SPATA17: variants seen among roughly 807,000 people sequenced by gnomAD.
SPATA17 encodes spermatogenesis-associated protein 17.
In SPATA17, 53 loss-of-function variants were observed where a neutral mutation model predicts 62.2. That is an observed-to-expected ratio of 0.85 (90% CI 0.68 to 1.07). SPATA17 has a LOEUF of 1.07. Ranked by LOEUF, SPATA17 falls within the 50% of genes least tolerant of loss-of-function variation. SPATA17 has a pLI of 0.00. For missense variants in SPATA17, 466 were observed against 425.5 expected, an observed-to-expected ratio of 1.10 and a Z score of -0.84; for synonymous variants, 146 against 146.8, an observed-to-expected ratio of 0.99 and a Z score of 0.04.
rs57489651 is a variant in SPATA17, at chr1:217,749,985, CTA to C, written c.519+7913_519+7914del. Among the ~76,000 whole-genome samples, 54 of 12,310 alleles carry C rather than the reference CTA, an allele frequency of 4.4e-3. 3 individuals are homozygous for C. Among genetic ancestry groups the C allele is most frequent in the South Asian group, 0.019 (6 of 308 alleles). The allele number at this position is 12,310 out of a possible 152,430, so 8.1% of individuals were successfully genotyped here. On this transcript the variant is annotated intron_variant, in intron 6 of 10. Coordinates refer to ENST00000366933, the MANE Select transcript of SPATA17 (RefSeq NM_138796.4). ...TCTCTCTCTCTCTCTCTCTCTCTCTCTATATATATATATATATATATATATAT... is the reference window on the plus strand; with the variant it reads ...TCTCTCTCTCTCTCTCTCTCTCTCTCTATATATATATATATATATATATAT...
chr1:217,795,413 A>G (rs1571810761), intron 8 of SPATA17, among the ~76,000 whole-genome samples: 2 of 114,984 alleles, frequency 1.7e-5, no homozygotes, highest in South Asian at 3.0e-4. Context: ...TCTGTCGCCC[A>G]GGCTGGGGTG....
chr1:217,843,853 T>C (rs1396738534), intron 9 of SPATA17, among the ~76,000 whole-genome samples: 1 of 152,162 alleles, frequency 6.6e-6, no homozygotes, highest in African/African-American at 2.4e-5. Flanking sequence ...TTATAGTGTG[T>C]ACATGCATGC....
rs1282978328 is a variant in SPATA17 at position 217,732,589 on chromosome 1, G to T, written c.396-9386G>T. Among the ~76,000 whole-genome samples the T allele has an allele frequency of 2.6e-5, 4 of 152,292 alleles. No individual in the cohort carries two copies. In the East Asian group the frequency reaches 7.7e-4, roughly 29 times the overall value. On this transcript the variant is annotated intron_variant, in intron 5 of 10. Transcript: ENST00000366933. The stretch of plus-strand genomic sequence containing the variant: ...TCCTCCACAGCTGAATCACTGTGAA[G>T]ATGGGCAATGGAGAGAATATGATAT...
intron 8 of SPATA17, among the ~76,000 whole-genome samples, chr1:217,793,227 T>C (rs544202719): frequency 2.1e-5 from 3 of 145,792 alleles, no homozygotes; most frequent in Admixed American, 6.8e-5. Flanking sequence ...TTTTGTTTTT[T>C]TTTTTTTTTT....
intron 8 of SPATA17, among the ~76,000 whole-genome samples, chr1:217,797,254 T>TC (rs1223546320): frequency 1.8e-3 from 267 of 144,762 alleles, no homozygotes; most frequent in Admixed American, 4.2e-3. Flanking sequence ...TTTCTTTCTT[T>TC]TTTTTTTTTT....
chr1:217,867,030 A>G lies in SPATA17; in HGVS notation c.*11A>G, dbSNP rs967449837. ...AGTTTTCTCTCTCTTAGGCGTCAGA[A>G]GAAGAAACTGAAGCCATCTGCATTT... On this transcript the variant is annotated 3_prime_UTR_variant, in exon 11 of 11. Transcript: ENST00000366933. 1.3e-5 allele frequency: 2 copies of G among 152,106 alleles called. No individual in the cohort carries two copies. Among genetic ancestry groups the G allele is most frequent in the Admixed American group, 6.6e-5 (1 of 15,264 alleles). 9.4% of individuals were successfully genotyped at this position (152,106 alleles called of 1,614,324 possible). A position where few individuals can be genotyped will look rare whatever the true frequency, so the allele number is the denominator to read the frequency against.
chr1:217,825,736 T>C (rs1291635068), intron 9 of SPATA17, among the ~76,000 whole-genome samples: 4 of 152,022 alleles, frequency 2.6e-5, no homozygotes, highest in Non-Finnish European at 5.9e-5. Context: ...AGCAGGGATA[T>C]AGTCTACATT....
intron 9 of SPATA17, among the ~76,000 whole-genome samples, chr1:217,849,081 G>A (rs1240279951): frequency 4.6e-5 from 7 of 151,988 alleles, no homozygotes; most frequent in Non-Finnish European, 4.4e-5. Context: ...AGTGATGCTT[G>A]GTTCTGCTTT....
At chr1:217,706,327 C>T (rs917618123) in intron 5 of SPATA17, among the ~76,000 whole-genome samples, 2 of 152,118 alleles carry the variant, frequency 1.3e-5, no homozygotes, top group African/African-American at 4.8e-5. Flanking sequence ...TTGATTTCTT[C>T]TATGTGGTAT....
At chr1:217,642,393 T>G (rs532947724) in intron 1 of SPATA17, among the ~76,000 whole-genome samples, 1 of 152,366 alleles carries the variant, frequency 6.6e-6, no homozygotes, top group South Asian at 2.1e-4. Context: ...TTTATAGTCA[T>G]GCTAATATTG....
chr1:217,689,221 C>CTTTTTTTTTTTTTTTTTT (rs200885875), intron 5 of SPATA17, among the ~76,000 whole-genome samples: 1 of 102,592 alleles, frequency 9.7e-6, no homozygotes, highest in African/African-American at 3.6e-5. Context: ...TTTATTATGT[C>CTTTTTTTTTTTTTTTTTT]TTTTTTTTTT....
intron 7 of SPATA17, among the ~76,000 whole-genome samples, chr1:217,779,746 A>T (rs1029949918): frequency 2.6e-5 from 4 of 151,928 alleles, no homozygotes; most frequent in Non-Finnish European, 5.9e-5. Context: ...CTCATTGGTG[A>T]CATTTAAGAT....
chr1:217,752,821 A>G (rs1672946745), intron 6 of SPATA17, among the ~76,000 whole-genome samples: 1 of 152,156 alleles, frequency 6.6e-6, no homozygotes, highest in Non-Finnish European at 1.5e-5. Context: ...GTCCTATTGC[A>G]ATGAAGCCCC....
chr1:217,759,352 G>A (rs1197293065), intron 6 of SPATA17, among the ~76,000 whole-genome samples: 1 of 151,954 alleles, frequency 6.6e-6, no homozygotes, highest in Admixed American at 6.6e-5. Context: ...CCAGCTACTC[G>A]GGAGGCTGAG....
At chr1:217,829,782 T>C (rs1438928070) in intron 9 of SPATA17, among the ~76,000 whole-genome samples, 6 of 151,760 alleles carry the variant, frequency 4.0e-5, no homozygotes, top group Non-Finnish European at 2.9e-5. Context: ...GAAATATAGG[T>C]CATATATATT....
intron 5 of SPATA17, among the ~76,000 whole-genome samples, chr1:217,709,054 A>G (rs148449522): frequency 3.2e-4 from 49 of 152,318 alleles, no homozygotes; most frequent in African/African-American, 1.1e-3. Context: ...AGAGCCATCT[A>G]TGACAAACTC....
chr1:217,837,837 C>T (rs530387508), intron 9 of SPATA17, among the ~76,000 whole-genome samples: 139 of 152,136 alleles, frequency 9.1e-4, no homozygotes, highest in Non-Finnish European at 1.4e-3. Flanking sequence ...TATGTAACTC[C>T]GTAGAATTCC....
At chr1:217,817,026 AATGGGG>A (rs1571824667) in intron 9 of SPATA17, among the ~76,000 whole-genome samples, 3 of 152,024 alleles carry the variant, frequency 2.0e-5, no homozygotes, top group East Asian at 3.9e-4. Flanking sequence ...TCTTACAGGG[AATGGGG>A]CTTTAAAAAA....
intron 9 of SPATA17, among the ~76,000 whole-genome samples, chr1:217,804,609 G>A (rs540438975): frequency 2.0e-3 from 299 of 151,776 alleles, no homozygotes; most frequent in African/African-American, 6.9e-3. Flanking sequence ...GACAAACTAT[G>A]GAATAGGAAA....
Sources: allele counts gnomAD v4.1 joint callset (sites outside exome capture counted in the v4.1 genomes callset), GRCh38; gene constraint gnomAD v4.1.1; transcripts MANE v1.5; gene names NCBI Gene and HGNC (gene_info 2026-07-23, HGNC 2026-07-21).